The following DTNBP1 variants were observed in gnomAD, a reference collection of about 807,000 sequenced individuals.
The protein encoded by DTNBP1 is dysbindin.
DTNBP1 carries 35 observed loss-of-function variants against 42.8 expected under a neutral mutation model. That is an observed-to-expected ratio of 0.82 (90% CI 0.63 to 1.09). The LOEUF (loss-of-function observed/expected upper bound fraction) is 1.09. Ranked by LOEUF, DTNBP1 falls within the 50% of genes least tolerant of loss-of-function variation. The pLI is 0.00. For synonymous variants in DTNBP1, 171 were observed against 162.2 expected, an observed-to-expected ratio of 1.05 and a Z score of -0.41; for missense variants, 457 against 424.2, an observed-to-expected ratio of 1.08 and a Z score of -0.68.
At chr6:15,535,779 AAG>A (rs1456002759) in intron 7 of DTNBP1, among the ~76,000 whole-genome samples, 1 of 152,182 alleles carries the variant, frequency 6.6e-6, no homozygotes, top group African/African-American at 2.4e-5. Context: ...AAAAGACAGG[AAG>A]ATATGGGAAA....
intron 7 of DTNBP1, among the ~76,000 whole-genome samples, chr6:15,535,957 C>T (rs1483373073): frequency 2.0e-5 from 3 of 152,162 alleles, no homozygotes; most frequent in Admixed American, 2.0e-4. Context: ...TGGCATTTTG[C>T]CATGCCTTTG....
intron 7 of DTNBP1, among the ~76,000 whole-genome samples, chr6:15,534,780 A>G (rs150298560): frequency 4.2e-4 from 64 of 152,250 alleles, no homozygotes; most frequent in African/African-American, 1.4e-3. Flanking sequence ...CTAATCAGTT[A>G]ACCTTCTCAT....
chr6:15,627,763 G>T (rs1562000316), intron 4 of DTNBP1, among the ~76,000 whole-genome samples: 1 of 147,490 alleles, frequency 6.8e-6, no homozygotes, highest in Admixed American at 6.8e-5. Flanking sequence ...GTTTTAAGCA[G>T]ACCATGTATT....
At chr6:15,543,731 C>G (rs1238567478) in intron 7 of DTNBP1, among the ~76,000 whole-genome samples, 1 of 152,202 alleles carries the variant, frequency 6.6e-6, no homozygotes, top group Non-Finnish European at 1.5e-5. Flanking sequence ...CTCCTAGCCT[C>G]TGTCACCTGT....
chr6:15,654,414 C>T (rs894483351), intron 1 of DTNBP1, among the ~76,000 whole-genome samples: 6 of 152,140 alleles, frequency 3.9e-5, no homozygotes, highest in South Asian at 4.1e-4. Context: ...AAATGATTCT[C>T]GCATTATTTT....
intron 6 of DTNBP1, among the ~76,000 whole-genome samples, chr6:15,612,180 C>T (rs1377277574): frequency 6.6e-6 from 1 of 152,128 alleles, no homozygotes; most frequent in Non-Finnish European, 1.5e-5. Flanking sequence ...GCAGCCATTA[C>T]CATAGAGGCA....
chr6:15,617,947 T>C (rs2113710087), intron 5 of DTNBP1, among the ~76,000 whole-genome samples: 1 of 151,702 alleles, frequency 6.6e-6, no homozygotes, highest in South Asian at 2.1e-4. Context: ...ACCAGCAAAA[T>C]GGGAGAAAAT....
intron 5 of DTNBP1, among the ~76,000 whole-genome samples, chr6:15,619,391 T>A (rs956870080): frequency 1.8e-4 from 28 of 152,226 alleles, no homozygotes; most frequent in Middle Eastern, 3.4e-3. Context: ...TACTTAAAAA[T>A]TTTTTAAAAG....
rs1561928571 is a variant in DTNBP1, at chr6:15,522,815, C to T, written c.*160G>A. On this transcript the variant is annotated 3_prime_UTR_variant, in exon 10 of 10. Transcript: ENST00000344537. ...GCTCTGTGCGCTCTCAGTTTACCGT[C>T]CTCACACTTTATTGTTAGCTGTTCT... 1.6e-6 allele frequency: 2 copies of T among 1,283,512 alleles called. No individual in the cohort carries two copies. 79.5% of individuals were successfully genotyped at this position (1,283,512 alleles called of 1,614,324 possible).
At chr6:15,642,666 C>T (rs1760445697) in intron 3 of DTNBP1, among the ~76,000 whole-genome samples, 1 of 152,200 alleles carries the variant, frequency 6.6e-6, no homozygotes, top group Non-Finnish European at 1.5e-5. Context: ...TACATCACTA[C>T]AGTAAGCAGC....
At chr6:15,627,757 T>C (rs571154959) in intron 4 of DTNBP1, among the ~76,000 whole-genome samples, 6 of 150,716 alleles carry the variant, frequency 4.0e-5, no homozygotes, top group Admixed American at 3.3e-4. Context: ...TACCCTGTTT[T>C]AAGCAGACCA....
At chr6:15,598,306 C>T (rs1464030637) in intron 6 of DTNBP1, among the ~76,000 whole-genome samples, 2 of 152,100 alleles carry the variant, frequency 1.3e-5, no homozygotes, top group Non-Finnish European at 2.9e-5. Context: ...TGGATAAATG[C>T]CTCCATAAAC....
chr6:15,635,290 TG>T (rs1208918245), intron 4 of DTNBP1, among the ~76,000 whole-genome samples: 1 of 152,124 alleles, frequency 6.6e-6, no homozygotes, highest in African/African-American at 2.4e-5. Context: ...AGCTAATTTT[TG>T]TATTTTTAAT....
intron 3 of DTNBP1, among the ~76,000 whole-genome samples, chr6:15,638,386 G>GGGATTACAGGCAT (rs1206360811): frequency 6.6e-6 from 1 of 152,062 alleles, no homozygotes; most frequent in African/African-American, 2.4e-5. Flanking sequence ...CCAAAGTGCT[G>GGGATTACAGGCAT]GGATTACAGG....
intron 4 of DTNBP1, among the ~76,000 whole-genome samples, chr6:15,633,271 A>G (rs1759797982): frequency 6.6e-6 from 1 of 152,236 alleles, no homozygotes; most frequent in African/African-American, 2.4e-5. Flanking sequence ...TTTAAGAAAC[A>G]CATTTTATAA....
chr6:15,662,380 G>C (rs574781125), intron 1 of DTNBP1, among the ~76,000 whole-genome samples: 6 of 152,362 alleles, frequency 3.9e-5, no homozygotes, highest in Admixed American at 1.3e-4. Flanking sequence ...CCGACTCGGG[G>C]AGGGTGGCTG....
chr6:15,533,101 C>A lies in DTNBP1; in HGVS notation c.667+139G>T, dbSNP rs192454583. 22 of 1,329,302 alleles carry A rather than the reference C, an allele frequency of 1.7e-5. No homozygotes were observed. In the African/African-American group the frequency reaches 3.0e-4, roughly 18 times the overall value. The allele number at this position is 1,329,302 out of a possible 1,614,324, so 82.3% of individuals were successfully genotyped here. A position where few individuals can be genotyped will look rare whatever the true frequency, so the allele number is the denominator to read the frequency against. ...GGCAAGAGAGAGGTGGCCCGACGCA[C>A]ACATTTTGGTTGCTGGGGTCTCATA... On this transcript the variant is annotated intron_variant, in intron 8 of 9. Transcript: ENST00000344537.
intron 7 of DTNBP1, among the ~76,000 whole-genome samples, chr6:15,580,834 G>A (rs1047861415): frequency 6.6e-6 from 1 of 152,152 alleles, no homozygotes; most frequent in African/African-American, 2.4e-5. Flanking sequence ...CAGAAAAGGT[G>A]ACTAAAAAGC....
chr6:15,555,454 T>C (rs1051976112), intron 7 of DTNBP1, among the ~76,000 whole-genome samples: 1 of 151,896 alleles, frequency 6.6e-6, no homozygotes. Flanking sequence ...AAGATACAGG[T>C]AATAAAGACC....
Sources: gnomAD v4.1 joint callset for allele counts (sites outside exome capture counted in the v4.1 genomes callset) on GRCh38, gnomAD v4.1.1 for gene constraint, MANE v1.5 for transcripts, NCBI Gene and HGNC (gene_info 2026-07-23, HGNC 2026-07-21) for gene names.